Variants in KCNIP4 observed in about 807,000 individuals in gnomAD.
KCNIP4 encodes the protein Kv channel-interacting protein 4.
KCNIP4 carries 12 observed loss-of-function variants against 34.0 expected under a neutral mutation model. That is an observed-to-expected ratio of 0.35 (90% confidence interval 0.23 to 0.57). KCNIP4 has a LOEUF of 0.57. Ranked by LOEUF, KCNIP4 falls within the 20% of genes least tolerant of loss-of-function variation. KCNIP4 has a pLI of 0.83. For synonymous variants in KCNIP4, 124 were observed against 102.2 expected (o/e 1.21, Z -1.29); for missense variants, 238 against 311.7 (o/e 0.76, Z 1.78).
intron 1 of KCNIP4, among the ~76,000 whole-genome samples, chr4:21,547,089 C>T (rs1738207767): frequency 6.6e-6 from 1 of 152,098 alleles, no homozygotes; most frequent in African/African-American, 2.4e-5. Context: ...TCAAACCATG[C>T]CCCTGAGACT....
intron 1 of KCNIP4, among the ~76,000 whole-genome samples, chr4:21,867,135 A>T (rs2063658): frequency 0.32 from 48,315 of 152,044 alleles, 9,647 homozygotes; most frequent in Non-Finnish European, 0.46. Context: ...AAATTTAAGT[A>T]TGTGTCTTTC....
At chr4:21,204,428 C>G (rs2108961855) in intron 1 of KCNIP4, among the ~76,000 whole-genome samples, 1 of 152,240 alleles carries the variant, frequency 6.6e-6, no homozygotes, top group East Asian at 1.9e-4. Flanking sequence ...CAAAGGGGCT[C>G]TGTAAATCGT....
intron 1 of KCNIP4, chr4:21,608,668 A>G (rs1743912179): frequency 6.6e-6 from 1 of 152,158 alleles, no homozygotes; most frequent in Non-Finnish European, 1.5e-5. Context: ...ATATAACATA[A>G]AATAGTCACA....
At chr4:21,856,610 G>A (rs956339252) in intron 1 of KCNIP4, among the ~76,000 whole-genome samples, 1 of 152,170 alleles carries the variant, frequency 6.6e-6, no homozygotes, top group African/African-American at 2.4e-5. Flanking sequence ...CTGTGCACTT[G>A]GGGGCTGGAA....
chr4:21,748,382 G>A (rs980403420), intron 1 of KCNIP4, among the ~76,000 whole-genome samples: 3 of 152,128 alleles, frequency 2.0e-5, no homozygotes, highest in African/African-American at 7.2e-5. Flanking sequence ...AAAGGAAATG[G>A]TATACCTAAT....
chr4:21,044,993 G>C (rs189385081), intron 1 of KCNIP4, among the ~76,000 whole-genome samples: 6 of 152,330 alleles, frequency 3.9e-5, no homozygotes. Context: ...ATATGGAAGA[G>C]ACAAGTGAAG....
At position 21,538,660 on chromosome 4, in the gene KCNIP4, T is replaced by C. The variant is rs543307088; in HGVS notation, c.61+409911A>G. On this transcript the variant is annotated intron_variant, in intron 1 of 8. Transcript: ENST00000382152. Reference sequence around the variant, plus strand: ...GTGTTTATATTGTGATATAATAAAATGGCACGAAGTAGAAACACACCCTTC... The same window carrying C: ...GTGTTTATATTGTGATATAATAAAACGGCACGAAGTAGAAACACACCCTTC... Among the ~76,000 whole-genome samples the C allele has an allele frequency of 4.5e-4, 68 of 152,170 alleles. 1 individual carries two copies. Among genetic ancestry groups the C allele is most frequent in the Non-Finnish European group, 7.9e-4 (54 of 68,028 alleles).
chr4:21,470,391 T>A (rs1227206890), intron 1 of KCNIP4, among the ~76,000 whole-genome samples: 2 of 152,174 alleles, frequency 1.3e-5, no homozygotes, highest in African/African-American at 4.8e-5. Context: ...AGAATATTCA[T>A]TGAGCCTCTT....
At chr4:21,720,228 T>C (rs1714708411) in intron 1 of KCNIP4, among the ~76,000 whole-genome samples, 1 of 152,078 alleles carries the variant, frequency 6.6e-6, no homozygotes, top group African/African-American at 2.4e-5. Context: ...CCAGTTGCGT[T>C]CAATACCACA....
chr4:21,890,169 G>A (rs1018170605), intron 1 of KCNIP4, among the ~76,000 whole-genome samples: 8 of 152,064 alleles, frequency 5.3e-5, no homozygotes, highest in African/African-American at 1.4e-4. Context: ...TCATTCAGAC[G>A]CAAATGATAG....
chr4:21,475,399 C>A (rs1441776216), intron 1 of KCNIP4, among the ~76,000 whole-genome samples: 2 of 152,142 alleles, frequency 1.3e-5, no homozygotes, highest in African/African-American at 4.8e-5. Context: ...CAGCTCATTC[C>A]ACATGGAAAT....
chr4:21,551,368 T>A (rs1182582816), intron 1 of KCNIP4, among the ~76,000 whole-genome samples: 1 of 152,080 alleles, frequency 6.6e-6, no homozygotes, highest in Non-Finnish European at 1.5e-5. Context: ...CCACACTGAA[T>A]AACTGTAATT....
At chr4:21,254,778 G>T (rs892746460) in intron 1 of KCNIP4, among the ~76,000 whole-genome samples, 1 of 152,082 alleles carries the variant, frequency 6.6e-6, no homozygotes. Context: ...TTAGAAACTG[G>T]AAAAACCTGT....
chr4:20,766,079 C>G (rs16869942), intron 3 of KCNIP4, among the ~76,000 whole-genome samples: 4,344 of 152,172 alleles, frequency 0.029, 106 homozygotes, highest in East Asian at 0.09. Context: ...TAAGCTAATA[C>G]ACATGAGCAC....
rs191636452 is a variant in KCNIP4 at position 21,569,422 on chromosome 4, G to A, written c.61+379149C>T. Among the ~76,000 whole-genome samples the A allele has an allele frequency of 1.9e-3, 291 of 151,950 alleles. 2 individuals are homozygous for A. Among genetic ancestry groups the A allele is most frequent in the Admixed American group, 4.5e-3 (69 of 15,232 alleles). On this transcript the variant is annotated intron_variant, in intron 1 of 8. Coordinates refer to ENST00000382152, the MANE Select transcript of KCNIP4 (RefSeq NM_025221.6). ...GTGAAAGAATTATAAAGAAAGTACAGAACTTTAGTAATTTGATAGTAGAAT... is the reference window on the plus strand; with the variant it reads ...GTGAAAGAATTATAAAGAAAGTACAAAACTTTAGTAATTTGATAGTAGAAT...
intron 1 of KCNIP4, among the ~76,000 whole-genome samples, chr4:21,053,010 T>C (rs890519910): frequency 1.3e-5 from 2 of 150,390 alleles, no homozygotes; most frequent in Admixed American, 6.6e-5. Context: ...AAGATATGTA[T>C]ACACACACAC....
chr4:21,075,786 C>T (rs1482157054), intron 1 of KCNIP4, among the ~76,000 whole-genome samples: 4 of 152,118 alleles, frequency 2.6e-5, no homozygotes, highest in Non-Finnish European at 5.9e-5. Flanking sequence ...ACAAGTTGTT[C>T]CTTTCCATGT....
intron 1 of KCNIP4, among the ~76,000 whole-genome samples, chr4:21,862,292 G>T (rs963453888): frequency 1.3e-5 from 2 of 152,098 alleles, no homozygotes; most frequent in Non-Finnish European, 2.9e-5. Context: ...GAGACCACAG[G>T]CAGGACCTCA....
At position 21,703,175 on chromosome 4, in the gene KCNIP4, A is replaced by G. The variant is rs184263844; in HGVS notation, c.61+245396T>C. Among the ~76,000 whole-genome samples the G allele has an allele frequency of 7.9e-5, 12 of 152,270 alleles. No homozygotes were observed. In the East Asian group the frequency reaches 2.3e-3, roughly 29 times the overall value. ...TAATGGTGAAAGGCTGAATGTTTTC[A>G]CCCAAAGATAAGGATCAAGACAAAA... On this transcript the variant is annotated intron_variant, in intron 1 of 8. Transcript: ENST00000382152.
Sources: gnomAD v4.1 joint callset for allele counts (sites outside exome capture counted in the v4.1 genomes callset) on GRCh38, gnomAD v4.1.1 for gene constraint, MANE v1.5 for transcripts, NCBI Gene and HGNC (gene_info 2026-07-23, HGNC 2026-07-21) for gene names.